GRIN2B: variants seen among roughly 807,000 people sequenced by gnomAD.
GRIN2B encodes the protein glutamate ionotropic receptor NMDA type subunit 2B.
GRIN2B carries 5 observed loss-of-function variants against 114.5 expected under a neutral mutation model. The ratio of observed to expected loss-of-function variants is 0.04; its 90% CI spans 0.02 to 0.09. GRIN2B has a LOEUF of 0.09. Ranked by LOEUF, GRIN2B falls within the 10% of genes least tolerant of loss-of-function variation. GRIN2B has a pLI of 1.00. For missense variants in GRIN2B, 1,108 were observed against 1,943.5 expected, an observed-to-expected ratio of 0.57 and a Z score of 8.08; for synonymous variants, 787 against 745.1, an observed-to-expected ratio of 1.06 and a Z score of -0.92.
At chr12:13,627,379 T>C (rs145567869) in intron 5 of GRIN2B, among the ~76,000 whole-genome samples, 54 of 152,310 alleles carry the variant, frequency 3.5e-4, no homozygotes, top group Non-Finnish European at 6.6e-4. Flanking sequence ...ATTTCATTCA[T>C]AAATGGCAAT....
intron 10 of GRIN2B, among the ~76,000 whole-genome samples, chr12:13,578,563 CA>C (rs1948807029): frequency 6.6e-6 from 1 of 152,178 alleles, no homozygotes; most frequent in African/African-American, 2.4e-5. Flanking sequence ...CACTGAATAT[CA>C]GTCATGCTAC....
In GRIN2B at chr12:13,615,358, T is replaced by C. The variant is rs1410125586; in HGVS notation, c.1501-91A>G. 5 of 1,455,946 alleles carry C rather than the reference T, an allele frequency of 3.4e-6. No individual in the cohort carries two copies. In the African/African-American group the frequency reaches 4.2e-5, roughly 12 times the overall value. The allele number at this position is 1,455,946 out of a possible 1,614,324, so 90.2% of individuals were successfully genotyped here. On this transcript the variant is annotated intron_variant, in intron 7 of 13. Coordinates refer to ENST00000609686, the MANE Select transcript of GRIN2B (RefSeq NM_000834.5). The surrounding 1 kb of genome is among the most constrained non-coding windows in gnomAD (Gnocchi z 5.8). ...TACAGCCTATCAGTGGTTTTCTTTG[T>C]ATAGTGGGAACAATACATCTTATTT...
At chr12:13,938,223 T>G (rs894102269) in intron 2 of GRIN2B, among the ~76,000 whole-genome samples, 1 of 151,974 alleles carries the variant, frequency 6.6e-6, no homozygotes, top group African/African-American at 2.4e-5. Flanking sequence ...GCCTAATCAC[T>G]TCAATAATTA....
intron 5 of GRIN2B, among the ~76,000 whole-genome samples, chr12:13,644,456 T>G (rs1949745371): frequency 6.6e-6 from 1 of 152,166 alleles, no homozygotes; most frequent in Non-Finnish European, 1.5e-5. Context: ...TAGAGTAAAT[T>G]AAGCCGAATT....
At chr12:13,897,411 C>T (rs1227378567) in intron 2 of GRIN2B, among the ~76,000 whole-genome samples, 1 of 152,206 alleles carries the variant, frequency 6.6e-6, no homozygotes, top group Non-Finnish European at 1.5e-5. Flanking sequence ...AGAAATCTTA[C>T]TGTGTGATAA....
chr12:13,748,871 G>T (rs1308366559), intron 4 of GRIN2B, among the ~76,000 whole-genome samples: 1 of 152,122 alleles, frequency 6.6e-6, no homozygotes, highest in Admixed American at 6.5e-5. Flanking sequence ...ATATTCATTT[G>T]GTATAAATAT....
At chr12:13,649,411 G>A (rs931198653) in intron 5 of GRIN2B, among the ~76,000 whole-genome samples, 2 of 151,984 alleles carry the variant, frequency 1.3e-5, no homozygotes, top group African/African-American at 4.8e-5. Flanking sequence ...TGGTTCCTAT[G>A]AGCACTTCCA....
At chr12:13,957,694 C>T (rs550857225) in intron 2 of GRIN2B, among the ~76,000 whole-genome samples, 4 of 152,262 alleles carry the variant, frequency 2.6e-5, no homozygotes, top group East Asian at 1.9e-4. Flanking sequence ...AAATGCCTCC[C>T]ACCCAGTGCC....
At chr12:13,913,746 C>T (rs935692269) in intron 2 of GRIN2B, among the ~76,000 whole-genome samples, 1 of 152,190 alleles carries the variant, frequency 6.6e-6, no homozygotes, top group Non-Finnish European at 1.5e-5. Flanking sequence ...ATCTACCTTG[C>T]CCCAAGGCCA....
Position 13,553,443 on chromosome 12 carries a change from GA to G in GRIN2B, c.*9339del, listed in dbSNP as rs1948441584. On this transcript the variant is annotated 3_prime_UTR_variant, in exon 14 of 14. Coordinates refer to ENST00000609686, the MANE Select transcript of GRIN2B (RefSeq NM_000834.5). ...ACCTCAACTCTTATCCTCCCTTTGG[GA>G]GAAGTGATCCTGTAGACAAAGCCTC... is the stretch of plus-strand genomic sequence containing the variant. The G allele has an allele frequency of 6.6e-6, 1 of 152,186 alleles. No individual in the cohort carries two copies. The highest frequency in any genetic ancestry group is 2.4e-5 in the African/African-American group (1 of 41,438). 9.4% of individuals were successfully genotyped at this position (152,186 alleles called of 1,614,324 possible).
chr12:13,952,678 G>A (rs983472741), intron 2 of GRIN2B, among the ~76,000 whole-genome samples: 1 of 151,980 alleles, frequency 6.6e-6, no homozygotes, highest in African/African-American at 2.4e-5. Flanking sequence ...ATGTATTTAA[G>A]GTATATAATA....
chr12:13,797,502 C>T (rs1189766349), intron 3 of GRIN2B, among the ~76,000 whole-genome samples: 1 of 152,190 alleles, frequency 6.6e-6, no homozygotes, highest in Admixed American at 6.5e-5. Context: ...ATCAGACCTG[C>T]TTATAGTTTT....
At chr12:13,678,305 C>T (rs1177357958) in intron 4 of GRIN2B, among the ~76,000 whole-genome samples, 1 of 152,040 alleles carries the variant, frequency 6.6e-6, no homozygotes, top group Non-Finnish European at 1.5e-5. Flanking sequence ...TGTAAGTTTC[C>T]CCAGTAAATC....
chr12:13,667,236 A>G (rs1949985229), intron 5 of GRIN2B, among the ~76,000 whole-genome samples: 1 of 152,188 alleles, frequency 6.6e-6, no homozygotes, highest in African/African-American at 2.4e-5. Flanking sequence ...GATAAGAAAT[A>G]CATATCTCAA....
chr12:13,790,886 C>T (rs184249943), intron 3 of GRIN2B, among the ~76,000 whole-genome samples: 5 of 152,228 alleles, frequency 3.3e-5, no homozygotes, highest in Non-Finnish European at 4.4e-5. Flanking sequence ...ACCCAGAGAG[C>T]GGGGCCAAGA....
Position 13,880,261 on chromosome 12 carries a change from C to T in GRIN2B, c.-18-14035G>A, listed in dbSNP as rs146746961. Reference sequence around the variant, plus strand: ...GAGCCAAAATACAAAAATGAGGCTGCCTTAAGTCAGAAAACAAGTGAGGCA... The same window carrying T: ...GAGCCAAAATACAAAAATGAGGCTGTCTTAAGTCAGAAAACAAGTGAGGCA... On this transcript the variant is annotated intron_variant, in intron 2 of 13. Transcript: ENST00000609686. Among the ~76,000 whole-genome samples, 844 of 152,256 alleles carry T rather than the reference C, an allele frequency of 5.5e-3. 5 individuals are homozygous for T. Among genetic ancestry groups the T allele is most frequent in the Non-Finnish European group, 9.1e-3 (617 of 68,016 alleles).
intron 5 of GRIN2B, among the ~76,000 whole-genome samples, chr12:13,630,402 C>G (rs1949606504): frequency 6.6e-6 from 1 of 152,124 alleles, no homozygotes; most frequent in African/African-American, 2.4e-5. Context: ...TATTCATGCC[C>G]TTTTCCAATC....
Position 13,743,834 on chromosome 12 carries a change from A to T in GRIN2B, c.1010+9483T>A, listed in dbSNP as rs550744891. On this transcript the variant is annotated intron_variant, in intron 4 of 13. Transcript: ENST00000609686. ...ATTAGCCATGATGATGAACAACGAA[A>T]TTTTTGATAATTGGGTTTTTTGTCT... Among the ~76,000 whole-genome samples the T allele has an allele frequency of 9.2e-5, 14 of 152,276 alleles. No individual in the cohort carries two copies. The South Asian group carries it at 2.9e-3, about 32-fold the overall frequency.
chr12:13,940,555 A>G (rs950621133), intron 2 of GRIN2B, among the ~76,000 whole-genome samples: 6 of 152,118 alleles, frequency 3.9e-5, no homozygotes, highest in Admixed American at 6.6e-5. Context: ...GGGTGTAACT[A>G]GGAGATAATG....
Sources: allele counts gnomAD v4.1 joint callset (sites outside exome capture counted in the v4.1 genomes callset), GRCh38; gene constraint gnomAD v4.1.1; non-coding constraint Gnocchi (gnomAD v3.1); transcripts MANE v1.5; gene names NCBI Gene and HGNC (gene_info 2026-07-23, HGNC 2026-07-21).